The following FSTL4 variants were observed in gnomAD, a reference collection of about 807,000 sequenced individuals.
FSTL4 encodes follistatin like 4.
In FSTL4, 28 loss-of-function variants were observed where a neutral mutation model predicts 78.2. The observed-to-expected ratio is 0.36, with a 90% CI of 0.27 to 0.49. The LOEUF is 0.49. Among genes scored for constraint, FSTL4 ranks in the 20% least tolerant of loss-of-function variants. The probability of loss-of-function intolerance (pLI) is 0.98; values close to 1 mark genes in which losing one functional copy is unlikely to be tolerated. For synonymous variants in FSTL4, 422 were observed against 440.5 expected (o/e 0.96, Z 0.53); for missense variants, 922 against 1,084.9 (o/e 0.85, Z 2.11).
At chr5:133,666,984 C>T in the FSTL4 span, among the ~76,000 whole-genome samples, 1 of 152,184 alleles carries the variant, frequency 6.6e-6, no homozygotes, top group African/African-American at 2.4e-5. Context: ...TCTATTTCCA[C>T]CCCTGAGTTC....
In FSTL4 at chr5:133,595,978, G is replaced by A. The variant is rs111817047; in HGVS notation, c.126+7880C>T. On this transcript the variant is annotated intron_variant, in intron 2 of 15. Coordinates refer to ENST00000265342, the MANE Select transcript of FSTL4 (RefSeq NM_015082.2). The stretch of plus-strand genomic sequence containing the variant: ...CACAGGCAAGAGGCAAAGTGATTTA[G>A]CCCCAACAGGAAAAACCAATTGTGG... Among the ~76,000 whole-genome samples the A allele has an allele frequency of 6.8e-3, 1,030 of 152,304 alleles. 14 individuals are homozygous for A. Among genetic ancestry groups the A allele is most frequent in the African/African-American group, 0.024 (977 of 41,562 alleles).
chr5:133,694,443 C>A, the FSTL4 span, among the ~76,000 whole-genome samples: 2 of 152,250 alleles, frequency 1.3e-5, no homozygotes, highest in South Asian at 4.1e-4. Flanking sequence ...ACTGAGCATG[C>A]GCTATGTGCC....
At chr5:133,323,195 A>G (rs1324248509) in intron 4 of FSTL4, among the ~76,000 whole-genome samples, 1 of 152,178 alleles carries the variant, frequency 6.6e-6, no homozygotes, top group Non-Finnish European at 1.5e-5. Flanking sequence ...GTGGAGGATC[A>G]GGAGACCACC....
At chr5:133,353,916 TG>T (rs1236464954) in intron 4 of FSTL4, among the ~76,000 whole-genome samples, 2 of 152,222 alleles carry the variant, frequency 1.3e-5, no homozygotes, top group Middle Eastern at 3.2e-3. Context: ...GTGCTCATCC[TG>T]CTTGGCTCTT....
intron 2 of FSTL4, among the ~76,000 whole-genome samples, chr5:133,581,385 G>A (rs185631184): frequency 6.4e-4 from 97 of 152,336 alleles, no homozygotes; most frequent in African/African-American, 2.1e-3. Context: ...GTCTGAAGAG[G>A]AGATTGAAAG....
At chr5:133,701,275 T>G in the FSTL4 span, among the ~76,000 whole-genome samples, 1 of 151,336 alleles carries the variant, frequency 6.6e-6, no homozygotes, top group Admixed American at 6.6e-5. Context: ...TGGTGGCAGG[T>G]GCCTGTAATC....
Position 133,316,686 on chromosome 5 carries a change from T to C in FSTL4, c.410-34A>G, listed in dbSNP as rs111649127. 2.8e-3 allele frequency: 4,406 copies of C among 1,560,716 alleles called. 135 individuals carry two copies. The African/African-American group carries it at 0.054, about 19-fold the overall frequency. On this transcript the variant is annotated intron_variant, in intron 4 of 15. Coordinates refer to ENST00000265342, the MANE Select transcript of FSTL4 (RefSeq NM_015082.2). Reference sequence around the variant, plus strand: ...GAAGGTGAGGTTATTATTTTGAGACTTATCCCGTGGTCTTGAGAGAACATT... The same window carrying C: ...GAAGGTGAGGTTATTATTTTGAGACCTATCCCGTGGTCTTGAGAGAACATT...
At chr5:133,315,258 C>T (rs1204481971) in intron 5 of FSTL4, among the ~76,000 whole-genome samples, 2 of 152,210 alleles carry the variant, frequency 1.3e-5, no homozygotes, top group Admixed American at 1.3e-4. Flanking sequence ...CACAGCTGAA[C>T]ACAGAGGCAC....
chr5:133,714,890 A>T, the FSTL4 span, among the ~76,000 whole-genome samples: 1 of 152,248 alleles, frequency 6.6e-6, no homozygotes, highest in Non-Finnish European at 1.5e-5. Flanking sequence ...AGCCAGGAAG[A>T]CAGTGAGCTC....
intron 6 of FSTL4, among the ~76,000 whole-genome samples, chr5:133,279,287 A>C (rs1752958782): frequency 6.6e-6 from 1 of 152,198 alleles, no homozygotes; most frequent in African/African-American, 2.4e-5. Context: ...AAAGGAGCAC[A>C]AACCCTATAG....
chr5:133,666,191 T>C, the FSTL4 span, among the ~76,000 whole-genome samples: 1 of 152,218 alleles, frequency 6.6e-6, no homozygotes, highest in Non-Finnish European at 1.5e-5. Context: ...TATACTACTA[T>C]GGAACTCATG....
intron 4 of FSTL4, among the ~76,000 whole-genome samples, chr5:133,329,644 T>C (rs758955350): frequency 1.3e-5 from 2 of 152,072 alleles, no homozygotes; most frequent in African/African-American, 4.8e-5. Context: ...CTTCTTTATA[T>C]TCGCTGGAAG....
chr5:133,759,163 G>C, the FSTL4 span, among the ~76,000 whole-genome samples: 1 of 152,142 alleles, frequency 6.6e-6, no homozygotes, highest in Non-Finnish European at 1.5e-5. Context: ...AGAAAAATGA[G>C]CAAAAGACAT....
the FSTL4 span, among the ~76,000 whole-genome samples, chr5:133,808,280 T>C: frequency 1.3e-5 from 2 of 152,232 alleles, no homozygotes; most frequent in African/African-American, 4.8e-5. Flanking sequence ...TGCTGAGAGC[T>C]CGTGGAGCCC....
chr5:133,793,286 C>T, the FSTL4 span, among the ~76,000 whole-genome samples: 10 of 152,238 alleles, frequency 6.6e-5, no homozygotes, highest in Non-Finnish European at 1.0e-4. Flanking sequence ...ACTCATACAA[C>T]TGCTCTCAGT....
At chr5:133,662,758 C>T in the FSTL4 span, among the ~76,000 whole-genome samples, 1 of 152,162 alleles carries the variant, frequency 6.6e-6, no homozygotes, top group African/African-American at 2.4e-5. Context: ...TGTAGGGTCA[C>T]CTGGCTCAAC....
At chr5:133,507,203 C>T (rs919625809) in intron 3 of FSTL4, among the ~76,000 whole-genome samples, 1 of 151,880 alleles carries the variant, frequency 6.6e-6, no homozygotes, top group Non-Finnish European at 1.5e-5. Context: ...GAGACTCTGT[C>T]TCAAAAAATA....
At chr5:133,820,673 G>A in the FSTL4 span, among the ~76,000 whole-genome samples, 2 of 152,212 alleles carry the variant, frequency 1.3e-5, no homozygotes, top group Non-Finnish European at 2.9e-5. Flanking sequence ...CGCCAAACCC[G>A]GAGTCAAGTG....
the FSTL4 span, among the ~76,000 whole-genome samples, chr5:133,777,631 G>A: frequency 6.6e-6 from 1 of 152,148 alleles, no homozygotes; most frequent in African/African-American, 2.4e-5. Context: ...TAATATTTAT[G>A]GGAGGTTTTC....
Sources: gnomAD v4.1 joint callset for allele counts (sites outside exome capture counted in the v4.1 genomes callset) on GRCh38, gnomAD v4.1.1 for gene constraint, MANE v1.5 for transcripts, NCBI Gene and HGNC (gene_info 2026-07-23, HGNC 2026-07-21) for gene names.